Variants in ELP4 observed in about 807,000 individuals in gnomAD.
The protein encoded by ELP4 is elongator acetyltransferase complex subunit 4, also known as elongator complex protein 4.
ELP4 carries 51 observed loss-of-function variants against 48.9 expected under a neutral mutation model. That is an observed-to-expected ratio of 1.04 (90% confidence interval 0.83 to 1.32). ELP4 has a LOEUF of 1.32. Among genes scored for constraint, ELP4 ranks in the 40% most tolerant of loss-of-function variants. The probability of loss-of-function intolerance (pLI) is 0.00; values close to 1 mark genes in which losing one functional copy is unlikely to be tolerated. For synonymous variants in ELP4, 210 were observed against 189.2 expected (o/e 1.11, Z -0.90); for missense variants, 519 against 514.6 (o/e 1.01, Z -0.08).
intron 9 of ELP4, among the ~76,000 whole-genome samples, chr11:31,674,278 G>A (rs946354644): frequency 1.3e-5 from 2 of 152,142 alleles, no homozygotes; most frequent in Non-Finnish European, 2.9e-5. Context: ...AGCATTGTAA[G>A]CATTATAGAA....
chr11:31,594,643 A>G, intron 3 of ELP4, 127 bp from the exon 4 acceptor site: 1 of 511,222 alleles, frequency 2.0e-6, no homozygotes, highest in Non-Finnish European at 3.3e-6. Flanking sequence ...ATGAATTTGT[A>G]TTTAAATCAA....
intron 9 of ELP4, among the ~76,000 whole-genome samples, chr11:31,770,373 T>C (rs373062888): frequency 3.3e-5 from 5 of 152,128 alleles, no homozygotes; most frequent in African/African-American, 1.2e-4. Context: ...GTGTGACTTA[T>C]CCATCCCATT....
intron 9 of ELP4, among the ~76,000 whole-genome samples, chr11:31,772,841 C>G (rs950840857): frequency 2.6e-5 from 4 of 152,218 alleles, no homozygotes; most frequent in Non-Finnish European, 5.9e-5. Context: ...AATTCACTTA[C>G]TCCCTCTCCA....
chr11:31,540,223 T>C lies in ELP4; in HGVS notation c.381+440T>C, dbSNP rs540182134. On this transcript the variant is annotated intron_variant, in intron 3 of 9. Transcript: ENST00000640961. ...TTCCAAAGTCTAAGCTTTTCTATAC[T>C]ACTAACAAAGTATCACTTAACTGTT... is the stretch of plus-strand genomic sequence containing the variant. Among the ~76,000 whole-genome samples the C allele has an allele frequency of 3.9e-5, 6 of 152,326 alleles. No homozygotes were observed. In the East Asian group the frequency reaches 1.2e-3, roughly 29 times the overall value.
At chr11:31,600,780 A>G (rs1957767350) in intron 4 of ELP4, among the ~76,000 whole-genome samples, 1 of 152,170 alleles carries the variant, frequency 6.6e-6, no homozygotes, top group African/African-American at 2.4e-5. Flanking sequence ...ATACTGAGAA[A>G]TAAGAAATAA....
intron 4 of ELP4, among the ~76,000 whole-genome samples, chr11:31,598,203 C>A (rs1329754586): frequency 6.6e-6 from 1 of 151,978 alleles, no homozygotes; most frequent in African/African-American, 2.4e-5. Flanking sequence ...ATCCGCCGAC[C>A]TCGGCCTCCG....
chr11:31,730,786 A>C (rs1947169118), intron 9 of ELP4, among the ~76,000 whole-genome samples: 1 of 152,060 alleles, frequency 6.6e-6, no homozygotes, highest in Admixed American at 6.6e-5. Context: ...ACATTCTAGC[A>C]TTTTAGGGGG....
At chr11:31,667,564 C>T (rs1337114735) in intron 9 of ELP4, among the ~76,000 whole-genome samples, 4 of 152,148 alleles carry the variant, frequency 2.6e-5, no homozygotes, top group Non-Finnish European at 2.9e-5. Flanking sequence ...TTTATTTTAA[C>T]TAATAGTTAC....
chr11:31,725,126 C>T (rs921105810), intron 9 of ELP4, among the ~76,000 whole-genome samples: 1 of 152,212 alleles, frequency 6.6e-6, no homozygotes, highest in Non-Finnish European at 1.5e-5. Flanking sequence ...ATGACTGCTT[C>T]TCTGACTACC....
chr11:31,732,422 C>T (rs553029607), intron 9 of ELP4, among the ~76,000 whole-genome samples: 273 of 147,902 alleles, frequency 1.8e-3, no homozygotes, highest in Non-Finnish European at 3.2e-3. Context: ...AAGAAAATAC[C>T]TTTAGAAGAT....
chr11:31,550,208 T>C (rs959100621), intron 3 of ELP4, among the ~76,000 whole-genome samples: 19 of 152,170 alleles, frequency 1.2e-4, no homozygotes, highest in African/African-American at 4.1e-4. Context: ...TGGAAATAAG[T>C]AAATATATAA....
intron 2 of ELP4, among the ~76,000 whole-genome samples, chr11:31,524,731 C>T (rs1956271732): frequency 1.3e-5 from 2 of 152,198 alleles, no homozygotes; most frequent in Non-Finnish European, 2.9e-5. Flanking sequence ...TTCAACCTTT[C>T]TGAATTTGCT....
At chr11:31,520,159 A>T (rs1298710434) in intron 2 of ELP4, 68 bp downstream of exon 2, 2 of 1,337,760 alleles carry the variant, frequency 1.5e-6, no homozygotes, top group Non-Finnish European at 2.1e-6. Flanking sequence ...CATTTTATCC[A>T]ATTCCCATTC....
At chr11:31,560,439 A>T (rs1956999271) in intron 3 of ELP4, among the ~76,000 whole-genome samples, 1 of 151,884 alleles carries the variant, frequency 6.6e-6, no homozygotes, top group Non-Finnish European at 1.5e-5. Flanking sequence ...AATTTTGCAG[A>T]CATAGAATCT....
intron 9 of ELP4, among the ~76,000 whole-genome samples, chr11:31,780,317 G>A (rs910170632): frequency 6.6e-6 from 1 of 152,070 alleles, no homozygotes; most frequent in Non-Finnish European, 1.5e-5. Context: ...GTTCTTCCTC[G>A]CTGTTTCACA....
chr11:31,632,272 G>T lies in ELP4; in HGVS notation c.794G>T (p.Trp265Leu). 6.2e-7 allele frequency: 1 copy of T among 1,612,766 alleles called. No homozygotes were observed. Among genetic ancestry groups the T allele is most frequent in the Non-Finnish European group, 8.5e-7 (1 of 1,179,454 alleles). Residue 265 changes from tryptophan (W) to leucine (L), a missense_variant, in exon 7 of 10, where the codon TGG becomes TTG. Transcript: ENST00000640961. ...ATTCAGAATCTTGGCTCACCTTTAT[G>T]GGGAGACGATATTTGCTGTGCAGAA... ...IGIQNLGSPL[W>L]GDDICCAENG...
chr11:31,692,476 G>A (rs1320059658), intron 9 of ELP4, among the ~76,000 whole-genome samples: 2 of 152,120 alleles, frequency 1.3e-5, no homozygotes, highest in Non-Finnish European at 1.5e-5. Context: ...AACAGTTTCT[G>A]AATTGACCTA....
intron 9 of ELP4, among the ~76,000 whole-genome samples, chr11:31,777,463 TACTG>T (rs1421931698): frequency 3.3e-5 from 5 of 152,250 alleles, no homozygotes; most frequent in Non-Finnish European, 7.3e-5. Flanking sequence ...ATAGTTCACA[TACTG>T]AGTGAATGCT....
chr11:31,627,236 T>C (rs964692251), intron 6 of ELP4, 42 bp downstream of exon 6: 3 of 332,230 alleles, frequency 9.0e-6, no homozygotes, highest in African/African-American at 8.8e-5. Context: ...ATTTATATAA[T>C]GTTGTTTTCA....
Sources: gnomAD v4.1 joint callset for allele counts (sites outside exome capture counted in the v4.1 genomes callset) on GRCh38, gnomAD v4.1.1 for gene constraint, MANE v1.5 for transcripts, NCBI Gene and HGNC (gene_info 2026-07-23, HGNC 2026-07-21) for gene names.